Variants in LOC400499 observed in about 807,000 individuals in gnomAD.
chr16:11,393,392 C>T, the LOC400499 span: 2 of 1,232,322 alleles, frequency 1.6e-6, no homozygotes, highest in Non-Finnish European at 2.0e-6. Flanking sequence ...GCCACTCACC[C>T]TCCTCATGGG....
chr16:11,442,384 C>T, the LOC400499 span: 84,751 of 151,710 alleles, frequency 0.56, 23,875 homozygotes, highest in South Asian at 0.64. Context: ...CCATGCCTGG[C>T]TAATTTTTTT....
At chr16:11,456,777 G>A in the LOC400499 span, 1 of 1,465,676 alleles carries the variant, frequency 6.8e-7, no homozygotes, top group Non-Finnish European at 9.2e-7. Flanking sequence ...AGGTGTTCCA[G>A]GAAGGAGGCA....
chr16:11,391,712 C>G, the LOC400499 span: 1 of 1,232,272 alleles, frequency 8.1e-7, no homozygotes, highest in Admixed American at 4.2e-5. Flanking sequence ...GCAGCCACTC[C>G]AGGTAAAGAG....
At chr16:11,497,117 A>G in the LOC400499 span, among the ~76,000 whole-genome samples, 1 of 152,098 alleles carries the variant, frequency 6.6e-6, no homozygotes, top group Admixed American at 6.5e-5. Context: ...AGCCTGTGTC[A>G]GTGTACGTGC....
chr16:11,445,897 G>C, the LOC400499 span, among the ~76,000 whole-genome samples: 1 of 145,712 alleles, frequency 6.9e-6, no homozygotes, highest in Admixed American at 6.9e-5. Flanking sequence ...GCAGTGGCGT[G>C]ATCTCAGCTC....
the LOC400499 span, among the ~76,000 whole-genome samples, chr16:11,521,609 C>A: frequency 2.0e-5 from 3 of 152,158 alleles, no homozygotes; most frequent in Non-Finnish European, 4.4e-5. Context: ...TGACTTTGCA[C>A]ACACCCTTGG....
At chr16:11,520,538 C>A in the LOC400499 span, among the ~76,000 whole-genome samples, 3 of 152,212 alleles carry the variant, frequency 2.0e-5, no homozygotes, top group East Asian at 3.9e-4. Context: ...GCACCATGCA[C>A]TACCAGTAAT....
At chr16:11,399,971 G>C in the LOC400499 span, among the ~76,000 whole-genome samples, 1 of 151,942 alleles carries the variant, frequency 6.6e-6, no homozygotes, top group African/African-American at 2.4e-5. Flanking sequence ...AGAGGAACTA[G>C]GATGGAGGGT....
At chr16:11,481,305 T>C in the LOC400499 span, among the ~76,000 whole-genome samples, 1 of 152,180 alleles carries the variant, frequency 6.6e-6, no homozygotes, top group Non-Finnish European at 1.5e-5. Flanking sequence ...ATGGTGAATG[T>C]ACTAAATACC....
At chr16:11,509,059 G>A in the LOC400499 span, among the ~76,000 whole-genome samples, 1 of 152,098 alleles carries the variant, frequency 6.6e-6, no homozygotes, top group Non-Finnish European at 1.5e-5. Flanking sequence ...CCCACCAGCA[G>A]GGGCTGGGCA....
chr16:11,385,462 C>A, the LOC400499 span: 2 of 1,197,660 alleles, frequency 1.7e-6, no homozygotes, highest in Non-Finnish European at 2.1e-6. Context: ...GCCAGCTCCA[C>A]CCACCGCAGT....
chr16:11,379,747 C>T, the LOC400499 span, among the ~76,000 whole-genome samples: 11 of 152,296 alleles, frequency 7.2e-5, no homozygotes, highest in Non-Finnish European at 1.5e-4. Context: ...TCTGTCATTT[C>T]GTCCCTTTGT....
At chr16:11,513,423 A>T in the LOC400499 span, among the ~76,000 whole-genome samples, 1 of 147,572 alleles carries the variant, frequency 6.8e-6, no homozygotes, top group East Asian at 1.9e-4. Flanking sequence ...AAAAAAATTT[A>T]AAAATTTATT....
At chr16:11,410,373 G>A in the LOC400499 span, among the ~76,000 whole-genome samples, 4 of 152,198 alleles carry the variant, frequency 2.6e-5, no homozygotes, top group Non-Finnish European at 4.4e-5. Context: ...AGAATCGCTT[G>A]AACCGGGGAG....
chr16:11,432,648 G>C, the LOC400499 span, among the ~76,000 whole-genome samples: 1 of 152,166 alleles, frequency 6.6e-6, no homozygotes, highest in African/African-American at 2.4e-5. Flanking sequence ...TGGAAAATTG[G>C]GGCAGGGGAC....
At chr16:11,506,957 C>G in the LOC400499 span, among the ~76,000 whole-genome samples, 9 of 152,226 alleles carry the variant, frequency 5.9e-5, no homozygotes, top group African/African-American at 2.2e-4. Flanking sequence ...CATTTCACCC[C>G]TCAGCCCAGG....
chr16:11,509,650 G>C, the LOC400499 span, among the ~76,000 whole-genome samples: 18 of 151,856 alleles, frequency 1.2e-4, no homozygotes, highest in African/African-American at 3.9e-4. Context: ...GGCCAGGATG[G>C]TGAAACCTGT....
chr16:11,510,449 G>A, the LOC400499 span, among the ~76,000 whole-genome samples: 1 of 151,750 alleles, frequency 6.6e-6, no homozygotes, highest in Non-Finnish European at 1.5e-5. Flanking sequence ...TCCCAAAGCT[G>A]ACCTTGTCTT....
At chr16:11,492,352 T>C in the LOC400499 span, among the ~76,000 whole-genome samples, 1 of 139,832 alleles carries the variant, frequency 7.2e-6, no homozygotes, top group African/African-American at 2.7e-5. Flanking sequence ...CAACAAATAT[T>C]AACATAAGCA....
Sources: allele counts gnomAD v4.1 joint callset (sites outside exome capture counted in the v4.1 genomes callset), GRCh38; gene constraint gnomAD v4.1.1; transcripts MANE v1.5.